Variants in ERI1 observed in about 807,000 individuals in gnomAD.
ERI1 encodes the protein exoribonuclease 1.
Under a neutral mutation model 39.7 loss-of-function variants are expected in ERI1, and 39 were observed. That is an observed-to-expected ratio of 0.98 (90% confidence interval 0.76 to 1.28). The LOEUF is 1.28. Ranked by LOEUF, ERI1 falls within the 50% of genes most tolerant of loss-of-function variation. The pLI is 0.00. For missense variants in ERI1, 581 were observed against 416.9 expected (o/e 1.39, Z -3.43); for synonymous variants, 204 against 149.6 (o/e 1.36, Z -2.65).
Position 9,029,682 on chromosome 8 carries a change from T to G in ERI1, c.808-110T>G, listed in dbSNP as rs1387287570. Reference sequence around the variant, plus strand: ...TGGGGGTATTGCCCTTTGCCTAGCTTTATTTAGCTGTTAGTGCTAATTTTC... The same window carrying G: ...TGGGGGTATTGCCCTTTGCCTAGCTGTATTTAGCTGTTAGTGCTAATTTTC... On this transcript the variant is annotated intron_variant, in intron 6 of 6. Coordinates refer to ENST00000250263, the MANE Select transcript of ERI1 (RefSeq NM_153332.4). The G allele has an allele frequency of 6.7e-6, 9 of 1,336,702 alleles. No individual in the cohort carries two copies. In the African/African-American group the frequency reaches 1.2e-4, roughly 17 times the overall value. 82.8% of individuals were successfully genotyped at this position (1,336,702 alleles called of 1,614,324 possible). A position where few individuals can be genotyped will look rare whatever the true frequency, so the allele number is the denominator to read the frequency against.
chr8:9,072,963 T>C (rs1274295874), intron 3 of ERI1, among the ~76,000 whole-genome samples: 1 of 152,254 alleles, frequency 6.6e-6, no homozygotes, highest in Non-Finnish European at 1.5e-5. Flanking sequence ...CAAAAACATT[T>C]TGTGGTCTAG....
intron 2 of ERI1, among the ~76,000 whole-genome samples, chr8:9,008,386 T>C (rs1816272319): frequency 6.6e-6 from 1 of 152,196 alleles, no homozygotes; most frequent in African/African-American, 2.4e-5. Context: ...CGGCAATGTA[T>C]AGGAGTCTCT....
At chr8:9,054,145 G>C (rs1798438655) in intron 3 of ERI1, among the ~76,000 whole-genome samples, 1 of 152,116 alleles carries the variant, frequency 6.6e-6, no homozygotes, top group African/African-American at 2.4e-5. Flanking sequence ...GCAACATCAG[G>C]GGATTGCATA....
chr8:9,029,131 A>G (rs1225653457), intron 6 of ERI1, among the ~76,000 whole-genome samples: 2 of 152,118 alleles, frequency 1.3e-5, no homozygotes, highest in East Asian at 3.8e-4. Context: ...AAGTAAAGTA[A>G]TACACTATAG....
chr8:9,007,308 G>C (rs559094164), intron 1 of ERI1, among the ~76,000 whole-genome samples: 4 of 152,022 alleles, frequency 2.6e-5, no homozygotes, highest in Non-Finnish European at 5.9e-5. Flanking sequence ...TTAGATTTGC[G>C]GTCCATTTTG....
intron 3 of ERI1, among the ~76,000 whole-genome samples, chr8:9,096,184 G>A (rs996408106): frequency 6.6e-6 from 1 of 152,194 alleles, no homozygotes; most frequent in East Asian, 1.9e-4. Context: ...TTTGGCTTTA[G>A]CCTTGAATGA....
At chr8:9,094,806 TA>T (rs1430627306) in intron 3 of ERI1, among the ~76,000 whole-genome samples, 5 of 152,188 alleles carry the variant, frequency 3.3e-5, no homozygotes, top group Admixed American at 2.0e-4. Context: ...AGTGTTTTGC[TA>T]AATTTAAAGA....
At chr8:9,015,768 A>C (rs943784134) in intron 3 of ERI1, among the ~76,000 whole-genome samples, 11 of 150,884 alleles carry the variant, frequency 7.3e-5, no homozygotes, top group Non-Finnish European at 1.3e-4. Flanking sequence ...CTTCTTGAAA[A>C]GATTCAACAT....
chr8:9,082,276 T>C (rs1388938824), intron 3 of ERI1, among the ~76,000 whole-genome samples: 1 of 152,210 alleles, frequency 6.6e-6, no homozygotes. Context: ...CCAGAACTTC[T>C]GGCAAGTAAC....
intron 3 of ERI1, among the ~76,000 whole-genome samples, chr8:9,063,725 C>T (rs1798778819): frequency 6.6e-6 from 1 of 152,162 alleles, no homozygotes; most frequent in African/African-American, 2.4e-5. Flanking sequence ...CATTTTACAA[C>T]AAGAATTATT....
intron 3 of ERI1, among the ~76,000 whole-genome samples, chr8:9,065,469 G>A (rs2117410057): frequency 6.6e-6 from 1 of 152,238 alleles, no homozygotes; most frequent in East Asian, 1.9e-4. Context: ...GCTGAGGCAG[G>A]CAGATCACGA....
intron 3 of ERI1, among the ~76,000 whole-genome samples, chr8:9,083,048 G>A (rs959562397): frequency 1.3e-5 from 2 of 152,168 alleles, no homozygotes; most frequent in African/African-American, 4.8e-5. Flanking sequence ...CTAAAAAAAT[G>A]TATTTGCTAT....
intron 3 of ERI1, among the ~76,000 whole-genome samples, chr8:9,052,779 G>A (rs1416279700): frequency 6.6e-6 from 1 of 152,152 alleles, no homozygotes; most frequent in Non-Finnish European, 1.5e-5. Flanking sequence ...TTTCCGAGTG[G>A]TTCGAATGTC....
downstream of ERI1, among the ~76,000 whole-genome samples, chr8:9,038,054 A>G (rs1356243412): frequency 6.6e-6 from 1 of 152,228 alleles, no homozygotes; most frequent in African/African-American, 2.4e-5. Context: ...CTATTTGCAC[A>G]TTTAAAGCTA....
chr8:9,015,196 A>T (rs1318735493), intron 3 of ERI1, among the ~76,000 whole-genome samples: 4 of 152,176 alleles, frequency 2.6e-5, no homozygotes, highest in Non-Finnish European at 5.9e-5. Context: ...AACCATTTAT[A>T]GCTCATCCAC....
At chr8:9,050,640 A>C (rs1171033049) in intron 3 of ERI1, among the ~76,000 whole-genome samples, 1 of 152,178 alleles carries the variant, frequency 6.6e-6, no homozygotes, top group Non-Finnish European at 1.5e-5. Flanking sequence ...AGTGTAGGCC[A>C]AGCCAGTGAG....
chr8:9,008,185 A>G (rs770473079), intron 2 of ERI1, 37 bp downstream of exon 2: 1 of 1,440,804 alleles, frequency 6.9e-7, no homozygotes, highest in South Asian at 1.4e-5. Context: ...TAAAAGTAGT[A>G]CATGCTCATT....
intron 5 of ERI1, among the ~76,000 whole-genome samples, chr8:9,019,835 A>G (rs548907693): frequency 6.6e-6 from 1 of 152,306 alleles, no homozygotes; most frequent in South Asian, 2.1e-4. Context: ...CTCCTTGCCT[A>G]AGAAAAACCA....
At chr8:9,085,091 G>A (rs190058464) in intron 3 of ERI1, among the ~76,000 whole-genome samples, 110 of 152,220 alleles carry the variant, frequency 7.2e-4, no homozygotes, top group African/African-American at 2.5e-3. Flanking sequence ...TGGGGGTGGG[G>A]CCTACCAATC....
Sources: allele counts gnomAD v4.1 joint callset (sites outside exome capture counted in the v4.1 genomes callset), GRCh38; gene constraint gnomAD v4.1.1; transcripts MANE v1.5; gene names NCBI Gene and HGNC (gene_info 2026-07-23, HGNC 2026-07-21).